Variants in YIPF7 observed in about 807,000 individuals in gnomAD.
YIPF7 encodes protein YIPF7.
YIPF7 carries 35 observed loss-of-function variants against 27.2 expected under a neutral mutation model. That is an observed-to-expected ratio of 1.29 (90% CI 0.98 to 1.70). The LOEUF (loss-of-function observed/expected upper bound fraction) is 1.70, where lower values mean the gene tolerates loss of function less well. Ranked by LOEUF, YIPF7 falls within the 40% of genes most tolerant of loss-of-function variation. The pLI is 0.00. For missense variants in YIPF7, 358 were observed against 303.7 expected (o/e 1.18, Z -1.33); for synonymous variants, 137 against 110.4 (o/e 1.24, Z -1.51).
upstream of YIPF7, among the ~76,000 whole-genome samples, chr4:44,655,536 T>G (rs368863288): frequency 6.1e-4 from 93 of 152,086 alleles, 1 homozygote; most frequent in South Asian, 0.014. Flanking sequence ...TTCAGCTGAA[T>G]AGAGCTGCCA....
chr4:44,649,941 G>C (rs1415517187), intron 2 of YIPF7, 44 bp downstream of exon 2: 2 of 996,098 alleles, frequency 2.0e-6, no homozygotes, highest in Non-Finnish European at 3.0e-6. Context: ...GTGACAGAGT[G>C]AGACTCTGTC....
chr4:44,634,050 A>G (rs1011646523), intron 3 of YIPF7, among the ~76,000 whole-genome samples: 9 of 152,202 alleles, frequency 5.9e-5, no homozygotes, highest in African/African-American at 2.2e-4. Context: ...TTATGGGTAC[A>G]TCCTAAGGAC....
upstream of YIPF7, among the ~76,000 whole-genome samples, chr4:44,655,244 A>C (rs533515225): frequency 6.6e-6 from 1 of 152,160 alleles, no homozygotes; most frequent in East Asian, 1.9e-4. Flanking sequence ...ATTTTAGTTG[A>C]TGTCTATTAA....
At chr4:44,648,886 T>G (rs1713624373) in intron 2 of YIPF7, among the ~76,000 whole-genome samples, 1 of 152,188 alleles carries the variant, frequency 6.6e-6, no homozygotes, top group Non-Finnish European at 1.5e-5. Context: ...ACCAAATTCT[T>G]CTTACTCTAA....
upstream of YIPF7, among the ~76,000 whole-genome samples, chr4:44,655,766 A>T (rs1323753204): frequency 6.6e-6 from 1 of 151,956 alleles, no homozygotes; most frequent in Non-Finnish European, 1.5e-5. Flanking sequence ...TGTTAGTACC[A>T]CATAAGATTT....
Position 44,650,093 on chromosome 4 carries a change from T to C in YIPF7, c.8A>G (p.Asn3Ser). MS[N>S]LAQFDSDFYQ... ...AAAATCAGAGTCAAATTGTGCCAAG[T>C]TTGACATCCTGAAAAATAAGAGTAT... The change falls in exon 2 of 6, where the codon AAC becomes AGC. Residue 3 changes from asparagine to serine, a missense_variant. By Grantham distance (46) the Asn-to-Ser change is conservative. Transcript: ENST00000415895. 6 of 1,550,842 alleles carry C rather than the reference T, an allele frequency of 3.9e-6. No homozygotes were observed. The highest frequency in any genetic ancestry group is 5.3e-6 in the Non-Finnish European group (6 of 1,140,302).
chr4:44,644,930 T>G (rs1713473355), intron 2 of YIPF7, among the ~76,000 whole-genome samples: 3 of 152,164 alleles, frequency 2.0e-5, no homozygotes. Flanking sequence ...TCTGGTTGTT[T>G]AAAGATGTGC....
chr4:44,649,541 G>A (rs772083891), intron 2 of YIPF7, among the ~76,000 whole-genome samples: 2 of 152,100 alleles, frequency 1.3e-5, no homozygotes, highest in South Asian at 2.1e-4. Flanking sequence ...GAGGCCCAGC[G>A]GGGCGGATCA....
chr4:44,634,551 G>A (rs937608503), intron 3 of YIPF7, among the ~76,000 whole-genome samples: 5 of 151,732 alleles, frequency 3.3e-5, no homozygotes, highest in African/African-American at 1.2e-4. Context: ...AAAAATACTC[G>A]TGACATAAAG....
chr4:44,632,898 G>A (rs1240601477), intron 3 of YIPF7, among the ~76,000 whole-genome samples: 1 of 152,112 alleles, frequency 6.6e-6, no homozygotes, highest in Non-Finnish European at 1.5e-5. Context: ...CAATCCCCGG[G>A]CCGTGGACCC....
At chr4:44,625,570 A>G (rs756057379) in intron 4 of YIPF7, among the ~76,000 whole-genome samples, 5 of 152,200 alleles carry the variant, frequency 3.3e-5, no homozygotes, top group African/African-American at 4.8e-5. Flanking sequence ...GGTGATTTAT[A>G]TAAACTAACT....
At chr4:44,624,904 T>G (rs1712577487) in intron 4 of YIPF7, 122 bp from the exon 5 acceptor site, 1 of 869,850 alleles carries the variant, frequency 1.1e-6, no homozygotes, top group Non-Finnish European at 1.7e-6. Flanking sequence ...TTTGTAGGAC[T>G]GTCATCAGGA....
At chr4:44,634,899 C>T (rs1427061425) in intron 3 of YIPF7, among the ~76,000 whole-genome samples, 1 of 152,116 alleles carries the variant, frequency 6.6e-6, no homozygotes, top group African/African-American at 2.4e-5. Context: ...AGAGGCAAAA[C>T]TGAATGAACT....
intron 3 of YIPF7, among the ~76,000 whole-genome samples, chr4:44,633,066 T>G (rs1054274454): frequency 3.3e-5 from 5 of 152,184 alleles, no homozygotes; most frequent in African/African-American, 1.2e-4. Context: ...TATTATGAAC[T>G]GTGCATGCAA....
chr4:44,636,601 T>C (rs72624161), intron 2 of YIPF7, among the ~76,000 whole-genome samples: 14,222 of 152,222 alleles, frequency 0.093, 815 homozygotes, highest in East Asian at 0.25. Flanking sequence ...ATAATTTTAA[T>C]AGTATAGTCA....
At chr4:44,638,159 C>T (rs1035925931) in intron 2 of YIPF7, among the ~76,000 whole-genome samples, 3 of 125,330 alleles carry the variant, frequency 2.4e-5, no homozygotes, top group Non-Finnish European at 3.4e-5. Flanking sequence ...TACTCCTTGC[C>T]CACTTTTCAA....
Position 44,650,061 on chromosome 4 carries a change from A to C in YIPF7, c.40T>G (p.Ser14Ala), listed in dbSNP as rs1560329970. 1 of 1,581,458 alleles carries C rather than the reference A, an allele frequency of 6.3e-7. No homozygotes were observed. The highest frequency in any genetic ancestry group is 8.6e-7 in the Non-Finnish European group (1 of 1,161,960). Residue 14 changes from serine (S) to alanine (A), a missense_variant, in exon 2 of 6, where the codon TCT becomes GCT. By Grantham distance (99) the Ser-to-Ala change is moderately conservative. Transcript: ENST00000415895. ...LAQFDSDFYQ[S>A]NFTIDNQEQS... ...TCCTGGTTATCAATAGTAAAATTAGATTGGTAAAAATCAGAGTCAAATTGT... is the reference window on the plus strand; with the variant it reads ...TCCTGGTTATCAATAGTAAAATTAGCTTGGTAAAAATCAGAGTCAAATTGT...
chr4:44,650,566 T>C lies in YIPF7; in HGVS notation c.-1-465A>G, dbSNP rs1713701562. On this transcript the variant is annotated intron_variant, in intron 1 of 5. Coordinates refer to ENST00000415895, the MANE Select transcript of YIPF7 (RefSeq NM_182592.3). ...AGGATTATTATCTGCAAATGGCTGA[T>C]AATAATAATACTCCTTCCCAAAGCA... Among the ~76,000 whole-genome samples, 3 of 152,062 alleles carry C rather than the reference T, an allele frequency of 2.0e-5. No individual in the cohort carries two copies. In the South Asian group the frequency reaches 6.2e-4, roughly 32 times the overall value.
chr4:44,632,485 T>C (rs1712941437), intron 3 of YIPF7, among the ~76,000 whole-genome samples: 2 of 152,238 alleles, frequency 1.3e-5, no homozygotes, highest in African/African-American at 2.4e-5. Context: ...AAAATGCATT[T>C]GTTAACATAT....
Sources: gnomAD v4.1 joint callset for allele counts (sites outside exome capture counted in the v4.1 genomes callset) on GRCh38, gnomAD v4.1.1 for gene constraint, MANE v1.5 for transcripts, NCBI Gene and HGNC (gene_info 2026-07-23, HGNC 2026-07-21) for gene names.